Variants in ZSWIM6 observed in about 807,000 individuals in gnomAD.
ZSWIM6 encodes zinc finger SWIM domain-containing protein 6.
Under a neutral mutation model 113.2 loss-of-function variants are expected in ZSWIM6, and 9 were observed. The ratio of observed to expected loss-of-function variants is 0.08; its 90% CI spans 0.05 to 0.14. The LOEUF is 0.14. Among genes scored for constraint, ZSWIM6 ranks in the 10% least tolerant of loss-of-function variants. ZSWIM6 has a pLI of 1.00. For synonymous variants in ZSWIM6, 611 were observed against 606.5 expected (o/e 1.01, Z -0.11); for missense variants, 1,162 against 1,552.2 (o/e 0.75, Z 4.22).
chr5:61,539,944 A>G (rs915193920), intron 12 of ZSWIM6, among the ~76,000 whole-genome samples, 185 bp downstream of exon 12: 2 of 152,198 alleles, frequency 1.3e-5, no homozygotes, highest in African/African-American at 4.8e-5. Context: ...CCAGACTGCT[A>G]TGTAAGGTGC....
intron 10 of ZSWIM6, among the ~76,000 whole-genome samples, chr5:61,536,057 AACTC>A: frequency 6.6e-6 from 1 of 152,358 alleles, no homozygotes; most frequent in East Asian, 1.9e-4. Context: ...GCAGGAAAGC[AACTC>A]CCTGTATTGC....
At chr5:61,388,490 A>G (rs889022650) in intron 1 of ZSWIM6, among the ~76,000 whole-genome samples, 1 of 152,242 alleles carries the variant, frequency 6.6e-6, no homozygotes, top group Non-Finnish European at 1.5e-5. Context: ...GGAACAGTTC[A>G]CATTTCAAAA....
intron 1 of ZSWIM6, among the ~76,000 whole-genome samples, chr5:61,444,343 A>G (rs1321710656): frequency 6.6e-6 from 1 of 151,898 alleles, no homozygotes; most frequent in East Asian, 1.9e-4. Flanking sequence ...AATCCAGTCT[A>G]TCGTTGTGGG....
intron 1 of ZSWIM6, among the ~76,000 whole-genome samples, chr5:61,362,934 C>G (rs1745061527): frequency 6.6e-6 from 1 of 152,168 alleles, no homozygotes; most frequent in Non-Finnish European, 1.5e-5. Context: ...AAGACTTATC[C>G]CTAAAACATG....
chr5:61,367,940 A>G (rs1745193931), intron 1 of ZSWIM6, among the ~76,000 whole-genome samples: 1 of 151,976 alleles, frequency 6.6e-6, no homozygotes, highest in South Asian at 2.1e-4. Flanking sequence ...TCTGTAACAT[A>G]GGGAGGCCTC....
intron 3 of ZSWIM6, 112 bp from the exon 4 acceptor site, chr5:61,494,146 GGA>G (rs1554038307): frequency 0.07 from 41,340 of 589,078 alleles, 302 homozygotes; most frequent in South Asian, 0.14. Flanking sequence ...ACACACACAC[GGA>G]GAGAGAGAGA....
chr5:61,388,820 C>G (rs1343666681), intron 1 of ZSWIM6, among the ~76,000 whole-genome samples: 1 of 152,104 alleles, frequency 6.6e-6, no homozygotes, highest in African/African-American at 2.4e-5. Context: ...AAATGGAGAT[C>G]CATTCTGTTT....
chr5:61,488,287 C>A (rs1748077397), intron 2 of ZSWIM6, among the ~76,000 whole-genome samples: 1 of 151,934 alleles, frequency 6.6e-6, no homozygotes, highest in African/African-American at 2.4e-5. Context: ...AGTTCTATGT[C>A]TGTGTTCATC....
intron 1 of ZSWIM6, among the ~76,000 whole-genome samples, chr5:61,445,271 G>A (rs564816253): frequency 5.5e-4 from 83 of 152,202 alleles, no homozygotes; most frequent in Middle Eastern, 6.8e-3. Flanking sequence ...TGGAAATTCA[G>A]TATGAAGATA....
At chr5:61,442,339 C>G (rs555295789) in intron 1 of ZSWIM6, among the ~76,000 whole-genome samples, 6 of 152,200 alleles carry the variant, frequency 3.9e-5, no homozygotes, top group East Asian at 1.9e-4. Flanking sequence ...CGGTCCCACC[C>G]TTTTTATTGA....
Position 61,531,744 on chromosome 5 carries a change from T to C in ZSWIM6, c.2245+19T>C, listed in dbSNP as rs1749440784. 1 of 1,548,846 alleles carries C rather than the reference T, an allele frequency of 6.5e-7. No individual in the cohort carries two copies. On this transcript the variant is annotated intron_variant, in intron 9 of 13. Transcript: ENST00000252744. The stretch of plus-strand genomic sequence containing the variant: ...TTAGAAGGTAGCCTGATACAGAAGT[T>C]TTCCACTTATTTAGCCAATTTGACT...
intron 1 of ZSWIM6, among the ~76,000 whole-genome samples, chr5:61,452,404 T>A (rs1231199789): frequency 6.6e-6 from 1 of 152,166 alleles, no homozygotes; most frequent in African/African-American, 2.4e-5. Context: ...TTGGTGCACG[T>A]GTGCAAGTAT....
Position 61,409,182 on chromosome 5 carries a change from C to T in ZSWIM6, c.677-63499C>T, listed in dbSNP as rs191180323. 1.0e-4 allele frequency among the ~76,000 whole-genome samples: 15 copies of T among 147,768 alleles called. No homozygotes were observed. In the East Asian group the frequency reaches 2.4e-3, roughly 24 times the overall value. ...TTAAATGTAACACATACCAAATTGT[C>T]CAACTTCAAAGGCCATTTTGTTTTT... On this transcript the variant is annotated intron_variant, in intron 1 of 13. Coordinates refer to ENST00000252744, the MANE Select transcript of ZSWIM6 (RefSeq NM_020928.2).
In ZSWIM6 at chr5:61,332,278, G is replaced by A. The variant is rs1043448103; in HGVS notation, c.6G>A (p.Ala2=). M[A]ERGQQPPPAK... ...GGGTTAGAAGCGGCGCGGTCATGGCGGAGCGCGGACAGCAGCCTCCTCCCG... is the reference window on the plus strand; with the variant it reads ...GGGTTAGAAGCGGCGCGGTCATGGCAGAGCGCGGACAGCAGCCTCCTCCCG... Residue 2 remains alanine, a synonymous_variant, in exon 1 of 14, where the codon GCG becomes GCA. Coordinates refer to ENST00000252744, the MANE Select transcript of ZSWIM6 (RefSeq NM_020928.2). 16 of 1,166,078 alleles carry A rather than the reference G, an allele frequency of 1.4e-5. No homozygotes were observed. In the African/African-American group the frequency reaches 2.3e-4, roughly 16 times the overall value. 72.2% of individuals were successfully genotyped at this position (1,166,078 alleles called of 1,614,324 possible). A position where few individuals can be genotyped will look rare whatever the true frequency, so the allele number is the denominator to read the frequency against.
chr5:61,524,210 A>G (rs1413960870), intron 5 of ZSWIM6, among the ~76,000 whole-genome samples: 1 of 152,186 alleles, frequency 6.6e-6, no homozygotes, highest in Non-Finnish European at 1.5e-5. Flanking sequence ...GGGCATGGGT[A>G]TGTTTATTCT....
chr5:61,493,143 A>G (rs1340765534), intron 3 of ZSWIM6, among the ~76,000 whole-genome samples: 1 of 152,094 alleles, frequency 6.6e-6, no homozygotes, highest in East Asian at 1.9e-4. Flanking sequence ...CTTGAGAGGC[A>G]AAGTTAACTT....
intron 1 of ZSWIM6, among the ~76,000 whole-genome samples, chr5:61,361,797 C>T (rs1188888057): frequency 6.6e-6 from 1 of 152,170 alleles, no homozygotes; most frequent in Non-Finnish European, 1.5e-5. Context: ...AAAGCATTTG[C>T]TCCCAGGTTA....
At chr5:61,526,047 T>C (rs775882570) in intron 6 of ZSWIM6, 71 bp downstream of exon 6, 20 of 1,512,998 alleles carry the variant, frequency 1.3e-5, no homozygotes, top group Non-Finnish European at 1.8e-5. Context: ...ATTACTGGAA[T>C]GGGAGGTGGA....
chr5:61,429,026 A>G (rs1370637436), intron 1 of ZSWIM6, among the ~76,000 whole-genome samples: 1 of 152,222 alleles, frequency 6.6e-6, no homozygotes, highest in African/African-American at 2.4e-5. Flanking sequence ...AAAAACTTAC[A>G]TTTCTTGGGA....
Sources: gnomAD v4.1 joint callset for allele counts (sites outside exome capture counted in the v4.1 genomes callset) on GRCh38, gnomAD v4.1.1 for gene constraint, MANE v1.5 for transcripts, NCBI Gene and HGNC (gene_info 2026-07-23, HGNC 2026-07-21) for gene names.